Variants in FOCAD observed in about 807,000 individuals in gnomAD.
FOCAD encodes focadhesin, also known as KIAA1797.
FOCAD carries 198 observed loss-of-function variants against 225.6 expected under a neutral mutation model. That is an observed-to-expected ratio of 0.88 (90% confidence interval 0.78 to 0.99). FOCAD has a LOEUF of 0.99. FOCAD is among the 50% of genes least tolerant of loss of function. The probability of loss-of-function intolerance (pLI) is 0.00; values close to 1 mark genes in which losing one functional copy is unlikely to be tolerated. For missense variants in FOCAD, 2,713 were observed against 2,123.6 expected (o/e 1.28, Z -5.46); for synonymous variants, 897 against 755.0 (o/e 1.19, Z -3.08).
At chr9:20,759,557 T>C (rs1038093321) in intron 6 of FOCAD, among the ~76,000 whole-genome samples, 13 of 152,114 alleles carry the variant, frequency 8.5e-5, no homozygotes, top group East Asian at 1.9e-4. Flanking sequence ...ATACAAAACT[T>C]AATTCAAGAT....
intron 18 of FOCAD, chr9:20,874,025 C>T (rs545009131): frequency 6.6e-6 from 1 of 152,106 alleles, no homozygotes; most frequent in South Asian, 2.1e-4. Flanking sequence ...AATCTTTTTA[C>T]ATTTTTAATT....
rs890846046 is a variant in FOCAD at position 20,691,565 on chromosome 9, C to T, written c.-33+7272C>T. On this transcript the variant is annotated intron_variant, in intron 1 of 43. Coordinates refer to ENST00000338382, the MANE Select transcript of FOCAD (RefSeq NM_001375567.1). ...GGCGTCATCTCGGCTCACTGCAAGCCGCACCTCCCGGGTTCACGCCATTCT... is the reference window on the plus strand; with the variant it reads ...GGCGTCATCTCGGCTCACTGCAAGCTGCACCTCCCGGGTTCACGCCATTCT... 3.4e-5 allele frequency among the ~76,000 whole-genome samples: 5 copies of T among 147,598 alleles called. No homozygotes were observed. The East Asian group carries it at 1.0e-3, about 30-fold the overall frequency.
intron 10 of FOCAD, among the ~76,000 whole-genome samples, chr9:20,788,894 T>G (rs1820226238): frequency 6.6e-6 from 1 of 152,258 alleles, no homozygotes; most frequent in Admixed American, 6.5e-5. Context: ...ATCAACATAC[T>G]GTCTGTTACA....
intron 23 of FOCAD, among the ~76,000 whole-genome samples, chr9:20,913,897 A>G (rs767811707): frequency 2.0e-5 from 3 of 152,172 alleles, no homozygotes; most frequent in African/African-American, 4.8e-5. Context: ...AGACCTATCA[A>G]TACATATTCC....
At chr9:20,929,652 T>A in intron 27 of FOCAD, 56 bp downstream of exon 27, 1 of 1,488,828 alleles carries the variant, frequency 6.7e-7, no homozygotes. Context: ...TGCAAAGGAT[T>A]TTGCACCCAT....
chr9:20,755,945 T>C (rs148848422), intron 5 of FOCAD, among the ~76,000 whole-genome samples: 7 of 152,124 alleles, frequency 4.6e-5, no homozygotes, highest in Admixed American at 2.6e-4. Flanking sequence ...CAGGTGTGAA[T>C]CACTGCTACT....
intron 1 of FOCAD, among the ~76,000 whole-genome samples, chr9:20,691,490 A>G (rs934533814): frequency 1.3e-5 from 2 of 151,284 alleles, no homozygotes; most frequent in African/African-American, 4.9e-5. Flanking sequence ...TTATTTTATT[A>G]TTATTTTTTG....
chr9:20,976,243 G>T, intron 35 of FOCAD, 177 bp from the exon 36 acceptor site: 1 of 471,778 alleles, frequency 2.1e-6, no homozygotes, highest in East Asian at 3.5e-5. Flanking sequence ...AACAGAGGGA[G>T]CAAGCTTTTC....
chr9:20,923,210 T>G (rs1259483033), intron 24 of FOCAD, among the ~76,000 whole-genome samples: 1 of 152,210 alleles, frequency 6.6e-6, no homozygotes, highest in Non-Finnish European at 1.5e-5. Context: ...AGTGGTTTGC[T>G]AGAAGCCAGT....
At chr9:20,682,988 C>T (rs1320366777), upstream of FOCAD, among the ~76,000 whole-genome samples, 1 of 152,092 alleles carries the variant, frequency 6.6e-6, no homozygotes, top group Non-Finnish European at 1.5e-5. Flanking sequence ...ACCACGTTGC[C>T]TAGGCTGGTC....
intron 7 of FOCAD, among the ~76,000 whole-genome samples, chr9:20,767,652 G>A (rs1022930761): frequency 4.9e-5 from 7 of 142,682 alleles, no homozygotes; most frequent in East Asian, 1.9e-4. Flanking sequence ...CATGTCCTTC[G>A]CCCACTTTTT....
chr9:20,761,713 C>A (rs538767815), intron 6 of FOCAD, among the ~76,000 whole-genome samples: 2 of 152,280 alleles, frequency 1.3e-5, no homozygotes, highest in East Asian at 1.9e-4. Context: ...AGCCACCGTG[C>A]CTGGCCCAAG....
chr9:20,674,618 T>C (rs1342760093), intron 2 of FOCAD, among the ~76,000 whole-genome samples: 1 of 152,204 alleles, frequency 6.6e-6, no homozygotes, highest in African/African-American at 2.4e-5. Context: ...GGAACAACTC[T>C]CATGAAGTTG....
At chr9:20,930,413 A>G (rs1835356991) in intron 27 of FOCAD, among the ~76,000 whole-genome samples, 1 of 152,226 alleles carries the variant, frequency 6.6e-6, no homozygotes, top group African/African-American at 2.4e-5. Context: ...ATGACTAGGC[A>G]TTTAGCCCTG....
At chr9:20,813,883 G>A (rs998697194) in intron 11 of FOCAD, among the ~76,000 whole-genome samples, 8 of 152,004 alleles carry the variant, frequency 5.3e-5, no homozygotes, top group Admixed American at 5.3e-4. Flanking sequence ...TTCTGTCAAT[G>A]TTTGCTTTAT....
intron 37 of FOCAD, among the ~76,000 whole-genome samples, chr9:20,979,424 C>T (rs1334140784): frequency 2.0e-5 from 3 of 152,162 alleles, no homozygotes; most frequent in Non-Finnish European, 2.9e-5. Context: ...CTGCAACCTC[C>T]GCCTCCTGGG....
In FOCAD at chr9:20,758,160, C is replaced by T; in HGVS notation, c.463C>T (p.Leu155=). The T allele has an allele frequency of 6.2e-7, 1 of 1,612,174 alleles. No homozygotes were observed. The highest frequency in any genetic ancestry group is 1.1e-5 in the South Asian group (1 of 90,840). Residue 155 remains leucine (L), a synonymous_variant, in exon 6 of 44, where the codon CTG becomes TTG. Transcript: ENST00000338382. The part of the protein sequence containing the change: ...PDCWPVFLQQ[L]TAFFQQCPER... ...TTGCTGGCCAGTGTTTTTGCAGCAG[C>T]TGACAGCGTTTTTCCAGCAGTGCCC...
At chr9:20,744,116 G>T (rs1051692125) in intron 5 of FOCAD, among the ~76,000 whole-genome samples, 9 of 152,166 alleles carry the variant, frequency 5.9e-5, no homozygotes, top group African/African-American at 2.2e-4. Flanking sequence ...AAATTCCATG[G>T]CCCCAACACA....
chr9:20,986,613 G>A, intron 40 of FOCAD, 148 bp downstream of exon 40: 1 of 594,430 alleles, frequency 1.7e-6, no homozygotes, highest in Non-Finnish European at 2.7e-6. Context: ...GAGTAACTTG[G>A]ATAGAAATTA....
Sources: gnomAD v4.1 joint callset for allele counts (sites outside exome capture counted in the v4.1 genomes callset) on GRCh38, gnomAD v4.1.1 for gene constraint, MANE v1.5 for transcripts, NCBI Gene and HGNC (gene_info 2026-07-23, HGNC 2026-07-21) for gene names.